DST: variants seen among roughly 807,000 people sequenced by gnomAD.
DST encodes the protein dystonin, also known as bullous pemphigoid antigen.
In DST, 253 loss-of-function variants were observed where a neutral mutation model predicts 875.2. The ratio of observed to expected loss-of-function variants is 0.29; its 90% CI spans 0.26 to 0.32. DST has a LOEUF of 0.32. DST is among the 10% of genes least tolerant of loss of function. DST has a pLI of 1.00. For synonymous variants in DST, 3,124 were observed against 3,197.1 expected, an observed-to-expected ratio of 0.98 and a Z score of 0.77; for missense variants, 8,287 against 9,111.6, an observed-to-expected ratio of 0.91 and a Z score of 3.68.
intron 3 of DST, among the ~76,000 whole-genome samples, chr6:56,877,134 G>T (rs547814532): frequency 4.1e-4 from 63 of 152,310 alleles, no homozygotes; most frequent in African/African-American, 1.5e-3. Context: ...CTGATCAAAT[G>T]TCACCTTATC....
intron 61 of DST, among the ~76,000 whole-genome samples, chr6:56,539,709 T>C (rs534791098): frequency 4.2e-4 from 64 of 152,264 alleles, no homozygotes; most frequent in Non-Finnish European, 7.9e-4. Flanking sequence ...CCCTTTACTT[T>C]CTTACCTCAT....
In DST at chr6:56,608,759, C is replaced by A. The variant is rs1362688165; in HGVS notation, c.5869G>T (p.Gly1957Cys). 1 of 1,609,302 alleles carries A rather than the reference C, an allele frequency of 6.2e-7. No homozygotes were observed. The highest frequency in any genetic ancestry group is 8.5e-7 in the Non-Finnish European group (1 of 1,177,498). The change falls in exon 40 of 104, where the codon GGT (glycine) becomes TGT (cysteine). Residue 1957 changes from glycine to cysteine, a missense_variant. Physicochemically the swap from Gly to Cys is radical, Grantham distance 159. Transcript: ENST00000680361. ...CTTCCACATTTTAATGTTATTCTAC[C>A]TCCTTCTTGTGGTCTCACAGGTAGA... Reference protein sequence around the residue: ...WLLPVRPQEGGRITLKCGRNI... With the variant: ...WLLPVRPQEGCRITLKCGRNI...
At chr6:56,591,285 G>T (rs1394767577) in intron 49 of DST, among the ~76,000 whole-genome samples, 1 of 152,230 alleles carries the variant, frequency 6.6e-6, no homozygotes, top group East Asian at 1.9e-4. Context: ...ATTTCTGAAA[G>T]AGCAGGTGGA....
chr6:56,470,625 T>C (rs1446745448), intron 95 of DST, among the ~76,000 whole-genome samples: 1 of 152,076 alleles, frequency 6.6e-6, no homozygotes, highest in Admixed American at 6.6e-5. Context: ...GGAAATCACA[T>C]ACAAATGATT....
At chr6:56,738,637 T>TTC (rs1279461933) in intron 4 of DST, among the ~76,000 whole-genome samples, 1 of 151,746 alleles carries the variant, frequency 6.6e-6, no homozygotes, top group African/African-American at 2.4e-5. Flanking sequence ...ATCTTTGTTT[T>TTC]GTTTGAGACA....
chr6:56,820,389 T>C (rs1435212784), intron 4 of DST, among the ~76,000 whole-genome samples: 1 of 152,196 alleles, frequency 6.6e-6, no homozygotes, highest in Non-Finnish European at 1.5e-5. Flanking sequence ...TAGCCAATTG[T>C]TAAGCAAAGC....
chr6:56,615,275 G>T (rs1298754994), intron 36 of DST: 3 of 1,286,382 alleles, frequency 2.3e-6, no homozygotes, highest in Admixed American at 6.8e-5. Context: ...ACATTTTAGT[G>T]TGGCCAAGTT....
chr6:56,670,306 G>A (rs974889001), intron 10 of DST, among the ~76,000 whole-genome samples: 7 of 151,868 alleles, frequency 4.6e-5, no homozygotes, highest in African/African-American at 1.5e-4. Flanking sequence ...ACAGCTCACC[G>A]CAGCCTTGGC....
Position 56,557,520 on chromosome 6 carries a change from T to A in DST, c.14441-2A>T, listed in dbSNP as rs1462500573. Reference sequence around the variant, plus strand: ...GATTGAGTTCTTGCCACTTAGAATCTAAAAGAAAAAAAATGAAACTGGTGT... The same window carrying A: ...GATTGAGTTCTTGCCACTTAGAATCAAAAAGAAAAAAAATGAAACTGGTGT... On this transcript the variant is annotated splice_acceptor_variant, in intron 58 of 103. Coordinates refer to ENST00000680361, the MANE Select transcript of DST (RefSeq NM_001374736.1). LOFTEE classifies it high-confidence loss of function. 1 of 1,599,972 alleles carries A rather than the reference T, an allele frequency of 6.3e-7. No homozygotes were observed. The highest frequency in any genetic ancestry group is 8.5e-7 in the Non-Finnish European group (1 of 1,173,296).
rs1586263912 is a variant in DST, at chr6:56,601,683, A to AAGCT, written c.11308-8_11308-7insAGCT. ...CAAGGTCTTTTAATACATTCTGTTA[A>AAGCT]AAAAGTAGTACAAGCTATCAGTAGA... On this transcript the variant is annotated splice_polypyrimidine_tract_variant and splice_region_variant and intron_variant, in intron 43 of 103. Transcript: ENST00000680361. 12 of 1,508,784 alleles carry AAGCT rather than the reference A, an allele frequency of 8.0e-6. No individual in the cohort carries two copies. In the East Asian group the frequency reaches 2.8e-4, roughly 36 times the overall value. 93.5% of individuals were successfully genotyped at this position (1,508,784 alleles called of 1,614,324 possible).
At chr6:56,938,604 T>C (rs1814538169) in intron 2 of DST, among the ~76,000 whole-genome samples, 1 of 152,098 alleles carries the variant, frequency 6.6e-6, no homozygotes, top group East Asian at 1.9e-4. Context: ...TTACCTACGG[T>C]AGATTGCAAA....
At chr6:56,532,764 A>AT (rs1185867724) in intron 63 of DST, among the ~76,000 whole-genome samples, 1 of 152,132 alleles carries the variant, frequency 6.6e-6, no homozygotes, top group Non-Finnish European at 1.5e-5. Context: ...CTCATTACTA[A>AT]TTTTTTAATA....
At chr6:56,875,406 T>C (rs1779222849) in intron 3 of DST, among the ~76,000 whole-genome samples, 1 of 152,254 alleles carries the variant, frequency 6.6e-6, no homozygotes, top group African/African-American at 2.4e-5. Flanking sequence ...AGGGCTTTTA[T>C]TATTTGAAAA....
chr6:56,512,777 GTTT>G (rs2096503338), intron 72 of DST, among the ~76,000 whole-genome samples: 1 of 152,086 alleles, frequency 6.6e-6, no homozygotes, highest in Non-Finnish European at 1.5e-5. Context: ...GTTTTTGAAG[GTTT>G]TCAAAAGACT....
At chr6:56,901,260 A>G (rs1396073845) in intron 2 of DST, among the ~76,000 whole-genome samples, 1 of 152,252 alleles carries the variant, frequency 6.6e-6, no homozygotes, top group Non-Finnish European at 1.5e-5. Flanking sequence ...AATGTATAAC[A>G]TTCCACTCAC....
chr6:56,679,054 A>G (rs2099144467), intron 9 of DST, among the ~76,000 whole-genome samples: 1 of 152,138 alleles, frequency 6.6e-6, no homozygotes. Flanking sequence ...TCTCTTATCA[A>G]TCTGTCTTTT....
chr6:56,661,794 G>A (rs913383322), intron 10 of DST, among the ~76,000 whole-genome samples: 1 of 152,098 alleles, frequency 6.6e-6, no homozygotes, highest in African/African-American at 2.4e-5. Context: ...CTCCATGTTG[G>A]CCAGGATGGT....
chr6:56,753,459 G>T lies in DST; in HGVS notation c.626-18170C>A, dbSNP rs2099593910. Among the ~76,000 whole-genome samples the T allele has an allele frequency of 3.3e-5, 5 of 152,238 alleles. No homozygotes were observed. The South Asian group carries it at 1.0e-3, about 32-fold the overall frequency. On this transcript the variant is annotated intron_variant, in intron 4 of 103. Coordinates refer to ENST00000680361, the MANE Select transcript of DST (RefSeq NM_001374736.1). ...AACAGTCTTATTAAAGACTCCCTAA[G>T]ATTTATTTGCATCATCTGTAAAATA...
intron 5 of DST, 198 bp downstream of exon 5, chr6:56,735,030 T>TA: frequency 1.8e-6 from 1 of 547,354 alleles, no homozygotes. Context: ...ACTGGGTACT[T>TA]ACCTATCCAC....
Sources: allele counts gnomAD v4.1 joint callset (sites outside exome capture counted in the v4.1 genomes callset), GRCh38; gene constraint gnomAD v4.1.1; transcripts MANE v1.5; gene names NCBI Gene and HGNC (gene_info 2026-07-23, HGNC 2026-07-21).